Variants in MAP2K2 observed in about 807,000 individuals in gnomAD.
MAP2K2 encodes the protein mitogen-activated protein kinase kinase 2, also known as dual specificity mitogen-activated protein kinase kinase 2.
Under a neutral mutation model 43.7 loss-of-function variants are expected in MAP2K2, and 24 were observed. The ratio of observed to expected loss-of-function variants is 0.55; its 90% CI spans 0.40 to 0.77. MAP2K2 has a LOEUF of 0.77. Ranked by LOEUF, MAP2K2 falls within the 30% of genes least tolerant of loss-of-function variation. MAP2K2 has a pLI of 0.00. For missense variants in MAP2K2, 470 were observed against 566.8 expected (o/e 0.83, Z 1.73); for synonymous variants, 244 against 239.7 (o/e 1.02, Z -0.17).
At chr19:4,093,952 C>T (rs899990432) in intron 10 of MAP2K2, among the ~76,000 whole-genome samples, 22 of 152,084 alleles carry the variant, frequency 1.4e-4, no homozygotes, top group African/African-American at 5.1e-4. Context: ...AGGGTGTAGT[C>T]CCCGCTGGGG....
intron 2 of MAP2K2, among the ~76,000 whole-genome samples, chr19:4,113,599 G>A (rs2145074789): frequency 6.6e-6 from 1 of 152,308 alleles, no homozygotes; most frequent in East Asian, 1.9e-4. Flanking sequence ...CTGCCTCGGG[G>A]AACACTGGAG....
intron 2 of MAP2K2, 138 bp downstream of exon 2, chr19:4,117,280 TA>T: frequency 1.2e-6 from 1 of 832,970 alleles, no homozygotes. Context: ...TCTCAGGACC[TA>T]GAGTCCCTGG....
chr19:4,122,028 G>A (rs1400830682), intron 1 of MAP2K2, among the ~76,000 whole-genome samples: 3 of 123,178 alleles, frequency 2.4e-5, no homozygotes, highest in African/African-American at 9.7e-5. Context: ...CACCCTAGGT[G>A]CCCTCTTCAT....
intron 8 of MAP2K2, among the ~76,000 whole-genome samples, chr19:4,096,412 C>T (rs1044841416): frequency 6.6e-6 from 1 of 152,236 alleles, no homozygotes; most frequent in African/African-American, 2.4e-5. Flanking sequence ...CAGAAACCCA[C>T]AGAAGGCCCA....
At chr19:4,109,457 G>A (rs944669982) in intron 3 of MAP2K2, among the ~76,000 whole-genome samples, 1 of 152,156 alleles carries the variant, frequency 6.6e-6, no homozygotes, top group South Asian at 2.1e-4. Flanking sequence ...GTTATGTTTT[G>A]AGACAGCATC....
intron 3 of MAP2K2, among the ~76,000 whole-genome samples, chr19:4,110,055 G>A (rs1401976940): frequency 6.6e-6 from 1 of 152,120 alleles, no homozygotes; most frequent in African/African-American, 2.4e-5. Flanking sequence ...TGTAATCCCA[G>A]CACTTTGGGA....
At chr19:4,095,609 C>G (rs1475005692) in intron 8 of MAP2K2, among the ~76,000 whole-genome samples, 160 bp from the exon 9 acceptor site, 1 of 152,186 alleles carries the variant, frequency 6.6e-6, no homozygotes, top group Non-Finnish European at 1.5e-5. Context: ...GTGGCCTTCT[C>G]CCGAAAGCTC....
chr19:4,099,824 A>G (rs1599287569), intron 6 of MAP2K2: 1 of 280,140 alleles, frequency 3.6e-6, no homozygotes, highest in Admixed American at 4.8e-5. Flanking sequence ...CCAGAAATTA[A>G]CTAAGGGCCG....
Position 4,102,686 on chromosome 19 carries a change from C to T in MAP2K2, c.451-233G>A, listed in dbSNP as rs576890418. 1.9e-4 allele frequency: 214 copies of T among 1,119,576 alleles called. 2 individuals carry two copies. The South Asian group carries it at 2.4e-3, about 12-fold the overall frequency. The allele number at this position is 1,119,576 out of a possible 1,614,324, so 69.4% of individuals were successfully genotyped here. ...CAGGGCCCAGGGTTCCCCCGCCTCC[C>T]GTCCCATCCTCGAATCAGTTGCGTG... is the stretch of plus-strand genomic sequence containing the variant. On this transcript the variant is annotated intron_variant, in intron 3 of 10. Transcript: ENST00000262948.
intron 10 of MAP2K2, among the ~76,000 whole-genome samples, chr19:4,093,202 G>C (rs1034735454): frequency 6.6e-6 from 1 of 151,914 alleles, no homozygotes; most frequent in Non-Finnish European, 1.5e-5. Flanking sequence ...TGGGTGACAA[G>C]AGTGAGACTT....
rs550909953 is a variant in MAP2K2, at chr19:4,103,184, C to T, written c.451-731G>A. On this transcript the variant is annotated intron_variant, in intron 3 of 10. Transcript: ENST00000262948. ...CCCTCCCCACAGCCTGTGGTCTCCTCGCCACTGTGCCGGGCATCCTGCGGA... is the reference window on the plus strand; with the variant it reads ...CCCTCCCCACAGCCTGTGGTCTCCTTGCCACTGTGCCGGGCATCCTGCGGA... 12 of 989,376 alleles carry T rather than the reference C, an allele frequency of 1.2e-5. No homozygotes were observed. In the East Asian group the frequency reaches 3.4e-4, roughly 28 times the overall value. The allele number at this position is 989,376 out of a possible 1,614,324, so 61.3% of individuals were successfully genotyped here. A position where few individuals can be genotyped will look rare whatever the true frequency, so the allele number is the denominator to read the frequency against.
intron 10 of MAP2K2, among the ~76,000 whole-genome samples, chr19:4,092,859 C>T (rs1599279738): frequency 1.3e-5 from 2 of 152,144 alleles, no homozygotes; most frequent in South Asian, 2.1e-4. Flanking sequence ...ATCATTTGAG[C>T]CCAGGAGTTT....
At chr19:4,090,816 A>G (rs2040848004) in intron 10 of MAP2K2, 108 bp from the exon 11 acceptor site, 2 of 761,502 alleles carry the variant, frequency 2.6e-6, no homozygotes, top group Admixed American at 2.0e-5. Flanking sequence ...AAAGCAAAAA[A>G]CAGAGGAGAC....
intron 3 of MAP2K2, among the ~76,000 whole-genome samples, chr19:4,110,001 T>C (rs950072993): frequency 1.3e-5 from 2 of 151,756 alleles, no homozygotes; most frequent in African/African-American, 2.4e-5. Context: ...AAGACATGAG[T>C]GCTTAAAAAA....
In MAP2K2 at chr19:4,101,437, A is replaced by G. The variant is rs887586392; in HGVS notation, c.529-157T>C. Among the ~76,000 whole-genome samples, 4 of 152,282 alleles carry G rather than the reference A, an allele frequency of 2.6e-5. No individual in the cohort carries two copies. Among genetic ancestry groups the G allele is most frequent in the African/African-American group, 9.6e-5 (4 of 41,550 alleles). On this transcript the variant is annotated intron_variant, in intron 4 of 10. Transcript: ENST00000262948. This position sits in a 1 kb window ranked among gnomAD's most constrained non-coding sequence, Gnocchi z 6.3. ...GGAGCTCGCTGGGGTGGAGCAAGCG[A>G]GGCCAGAGACGAGACAGTGCTGACA... is the stretch of plus-strand genomic sequence containing the variant.
chr19:4,113,066 A>G (rs1456818143), intron 2 of MAP2K2, among the ~76,000 whole-genome samples: 1 of 152,200 alleles, frequency 6.6e-6, no homozygotes, highest in African/African-American at 2.4e-5. Flanking sequence ...GTTCCTGACC[A>G]AAAACTTCAA....
intron 2 of MAP2K2, among the ~76,000 whole-genome samples, chr19:4,114,726 A>T (rs1451732110): frequency 6.6e-6 from 1 of 152,130 alleles, no homozygotes; most frequent in Non-Finnish European, 1.5e-5. Context: ...AGATGCATGG[A>T]TTCCTTGAGG....
At chr19:4,105,155 CGTGTGTGT>C (rs61710801) in intron 3 of MAP2K2, among the ~76,000 whole-genome samples, 19,402 of 137,572 alleles carry the variant, frequency 0.14, 1,575 homozygotes, top group Admixed American at 0.19. Flanking sequence ...ACACGTCTAC[CGTGTGTGT>C]GTGTGTGTGT....
At chr19:4,099,129 C>T in intron 7 of MAP2K2, 72 bp downstream of exon 7, 9 of 1,354,422 alleles carry the variant, frequency 6.6e-6, no homozygotes, top group Non-Finnish European at 9.2e-6. Context: ...GAGGCAGCTG[C>T]TGACCCTGGC....
Sources: allele counts gnomAD v4.1 joint callset (sites outside exome capture counted in the v4.1 genomes callset), GRCh38; gene constraint gnomAD v4.1.1; non-coding constraint Gnocchi (gnomAD v3.1); transcripts MANE v1.5; gene names NCBI Gene and HGNC (gene_info 2026-07-23, HGNC 2026-07-21).